The following TASOR2 variants were observed in gnomAD, a reference collection of about 807,000 sequenced individuals.
TASOR2 encodes protein TASOR 2.
Under a neutral mutation model 199.5 loss-of-function variants are expected in TASOR2, and 84 were observed. The observed-to-expected ratio is 0.42, with a 90% CI of 0.35 to 0.50. The LOEUF is 0.50. TASOR2 is among the 20% of genes least tolerant of loss of function. The pLI, the probability that TASOR2 is intolerant of heterozygous loss-of-function variation, is 0.02. For missense variants in TASOR2, 2,796 were observed against 2,835.9 expected, an observed-to-expected ratio of 0.99 and a Z score of 0.32; for synonymous variants, 1,103 against 1,046.6, an observed-to-expected ratio of 1.05 and a Z score of -1.04.
At chr10:5,739,500 C>T (rs1836080420) in intron 12 of TASOR2, 118 bp from the exon 14 acceptor site, 3 of 919,944 alleles carry the variant, frequency 3.3e-6, no homozygotes, top group Non-Finnish European at 4.8e-6. Flanking sequence ...TTTTAATATG[C>T]AATATATGTT....
chr10:5,716,638 G>T (rs1832686081), intron 2 of TASOR2, among the ~76,000 whole-genome samples: 1 of 152,014 alleles, frequency 6.6e-6, no homozygotes, highest in Admixed American at 6.5e-5. Context: ...TTATTGGCTG[G>T]GTACGGTGGC....
At chr10:5,757,467 GAA>G in intron 16 of TASOR2, 51 bp from the exon 18 acceptor site, 1 of 1,540,358 alleles carries the variant, frequency 6.5e-7, no homozygotes, top group South Asian at 1.2e-5. Context: ...GAGTGTCTAA[GAA>G]AATGTGCCCA....
chr10:5,763,705 G>GTGTT (rs1840214336), exon 21 of TASOR2: 1 of 152,172 alleles, frequency 6.6e-6, no homozygotes, highest in Admixed American at 6.5e-5. Flanking sequence ...TGTAACTAAT[G>GTGTT]TGTTTCATTT....
Position 5,717,514 on chromosome 10 carries a change from G to A in TASOR2, c.-191-145G>A, listed in dbSNP as rs1410896043. 1.1e-4 allele frequency: 42 copies of A among 379,318 alleles called. No homozygotes were observed. The East Asian group carries it at 1.4e-3, about 13-fold the overall frequency. 23.5% of individuals were successfully genotyped at this position (379,318 alleles called of 1,614,324 possible). A position where few individuals can be genotyped will look rare whatever the true frequency, so the allele number is the denominator to read the frequency against. On this transcript the variant is annotated intron_variant, in intron 2 of 20. Transcript: ENST00000328090. ...CCCTGAAGCCTGTCCTTTCTTCCTC[G>A]TTTTTCACTGCTGCTGCCTTGTTGG...
rs1201447252 is a variant in TASOR2 at position 5,722,490 on chromosome 10, A to G, written c.147-1187A>G. ...AAAGAAAAAATTTCCTGTTTAAAGG[A>G]ATCACACAGAGAGGTATGTGACATA... On this transcript the variant is annotated intron_variant, in intron 6 of 20. Coordinates refer to ENST00000328090, the Ensembl canonical transcript of TASOR2. This position sits in a 1 kb window ranked among gnomAD's most constrained non-coding sequence, Gnocchi z 4.0. 6.6e-6 allele frequency among the ~76,000 whole-genome samples: 1 copy of G among 152,072 alleles called. No individual in the cohort carries two copies. Among genetic ancestry groups the G allele is most frequent in the East Asian group, 1.9e-4 (1 of 5,186 alleles).
chr10:5,759,160 G>A (rs1426365645), intron 18 of TASOR2, among the ~76,000 whole-genome samples, 168 bp downstream of exon 19: 5 of 152,174 alleles, frequency 3.3e-5, no homozygotes, highest in South Asian at 2.1e-4. Flanking sequence ...TGCTGTGACC[G>A]TAGCCAACAG....
chr10:5,712,610 A>T, intron 1 of TASOR2: 1 of 1,189,426 alleles, frequency 8.4e-7, no homozygotes, highest in Non-Finnish European at 1.1e-6. Flanking sequence ...CATTTTTGGT[A>T]TATAAGCCTA....
chr10:5,693,273 A>T (rs894064955), intron 1 of TASOR2, among the ~76,000 whole-genome samples: 2 of 152,182 alleles, frequency 1.3e-5, no homozygotes, highest in African/African-American at 2.4e-5. Context: ...GTGTGTGCCT[A>T]TGTAAACCTA....
intron 1 of TASOR2, among the ~76,000 whole-genome samples, chr10:5,686,620 T>C (rs530096562): frequency 6.6e-6 from 1 of 152,358 alleles, no homozygotes; most frequent in South Asian, 2.1e-4. Flanking sequence ...TGTACCTTTT[T>C]ATGTTCACTC....
intron 15 of TASOR2, among the ~76,000 whole-genome samples, chr10:5,753,606 T>C (rs1838394377): frequency 1.3e-5 from 2 of 152,126 alleles, no homozygotes; most frequent in Admixed American, 6.5e-5. Context: ...GTGATCCGCC[T>C]ACCTTGGCCT....
Position 5,753,721 on chromosome 10 carries a change from T to G in TASOR2, c.6607-2892T>G, listed in dbSNP as rs552623299. On this transcript the variant is annotated intron_variant, in intron 15 of 20. Coordinates refer to ENST00000328090, the Ensembl canonical transcript of TASOR2. ...TGGTTTTATATTCCCTCTGTTGTCT[T>G]TGCTCCAAGTTCCTTGCCATTTCGG... 6.6e-5 allele frequency among the ~76,000 whole-genome samples: 10 copies of G among 152,292 alleles called. No homozygotes were observed. In the East Asian group the frequency reaches 1.2e-3, roughly 18 times the overall value.
At position 5,710,501 on chromosome 10, in the gene TASOR2, A is replaced by G. The variant is rs1030314784; in HGVS notation, c.-287-2322A>G. 2.0e-5 allele frequency among the ~76,000 whole-genome samples: 3 copies of G among 152,086 alleles called. No individual in the cohort carries two copies. Among genetic ancestry groups the G allele is most frequent in the African/African-American group, 4.8e-5 (2 of 41,446 alleles). Reference sequence around the variant, plus strand: ...AATCATTGGCTTTATTTATAGCTATATAGGGAACAGTATTCCCCACACTGG... The same window carrying G: ...AATCATTGGCTTTATTTATAGCTATGTAGGGAACAGTATTCCCCACACTGG... On this transcript the variant is annotated intron_variant, in intron 1 of 20. Coordinates refer to ENST00000328090, the Ensembl canonical transcript of TASOR2. This position sits in a 1 kb window ranked among gnomAD's most constrained non-coding sequence, Gnocchi z 4.6.
exon 21 of TASOR2, chr10:5,763,594 T>TTTTC (rs1840198106): frequency 1.3e-5 from 2 of 152,170 alleles, no homozygotes; most frequent in Non-Finnish European, 2.9e-5. Context: ...GAGAAAGAAA[T>TTTTC]AATCATTTAT....
chr10:5,713,366 A>G (rs1832168813), intron 2 of TASOR2, among the ~76,000 whole-genome samples: 1 of 152,192 alleles, frequency 6.6e-6, no homozygotes, highest in Admixed American at 6.6e-5. Context: ...ATATTTGAAG[A>G]CTGAAATCTG....
chr10:5,723,835 G>C (rs1199690769), intron 7 of TASOR2, 58 bp downstream of exon 8: 9 of 1,185,136 alleles, frequency 7.6e-6, no homozygotes, highest in Admixed American at 2.2e-5. Flanking sequence ...GTTATTTTCT[G>C]CTCTCTTCCA....
chr10:5,745,925 C>G (rs1264946294), intron 14 of TASOR2, among the ~76,000 whole-genome samples: 1 of 152,082 alleles, frequency 6.6e-6, no homozygotes, highest in Non-Finnish European at 1.5e-5. Context: ...ATTTTTCTTC[C>G]AAAAAGCTTG....
At chr10:5,714,328 T>G (rs2131554093) in intron 2 of TASOR2, 121 bp downstream of exon 3, 1 of 505,986 alleles carries the variant, frequency 2.0e-6, no homozygotes, top group Middle Eastern at 5.6e-4. Context: ...GTCAAACAGT[T>G]CATAATGTTT....
At position 5,761,480 on chromosome 10, in the gene TASOR2, C is replaced by T. The variant is rs1225998656; in HGVS notation, c.7174+9C>T. On this transcript the variant is annotated intron_variant, in intron 19 of 20. Coordinates refer to ENST00000328090, the Ensembl canonical transcript of TASOR2. ...TGCTGTCCTCCTAACAGGTAATTCA[C>T]AGGCGCATTTTACTCAGTTAATGCC... 6.2e-7 allele frequency: 1 copy of T among 1,607,926 alleles called. No homozygotes were observed. Among genetic ancestry groups the T allele is most frequent in the Non-Finnish European group, 8.5e-7 (1 of 1,179,310 alleles).
Position 5,750,017 on chromosome 10 carries a change from T to C in TASOR2, c.6596T>C (p.Val2199Ala). The change falls in exon 15 of 21, where the codon GTA becomes GCA. Residue 2199 changes from valine to alanine, a missense_variant. By Grantham distance (64) the Val-to-Ala change is moderately conservative. Coordinates refer to ENST00000328090, the Ensembl canonical transcript of TASOR2. This position sits in a 1 kb window ranked among gnomAD's most constrained non-coding sequence, Gnocchi z 5.4. ...GAAACAGAAGACAAATCATTCTTTG[T>C]AAGAACAAAGGTAAAGTGCCAGCCA... is the stretch of plus-strand genomic sequence containing the variant. 6.3e-7 allele frequency: 1 copy of C among 1,596,908 alleles called. No homozygotes were observed.
Sources: allele counts gnomAD v4.1 joint callset (sites outside exome capture counted in the v4.1 genomes callset), GRCh38; gene constraint gnomAD v4.1.1; non-coding constraint Gnocchi (gnomAD v3.1); transcripts MANE v1.5; gene names NCBI Gene and HGNC (gene_info 2026-07-23, HGNC 2026-07-21).